The following MSI2 variants were observed in gnomAD, a reference collection of about 807,000 sequenced individuals.
MSI2 encodes musashi RNA binding protein 2.
A neutral mutation model predicts 45.6 loss-of-function variants in MSI2; 17 were observed. That is an observed-to-expected ratio of 0.37 (90% confidence interval 0.26 to 0.56). The LOEUF (loss-of-function observed/expected upper bound fraction) is 0.56, where lower values mean the gene tolerates loss of function less well. Ranked by LOEUF, MSI2 falls within the 20% of genes least tolerant of loss-of-function variation. MSI2 has a pLI of 0.77. For synonymous variants in MSI2, 156 were observed against 158.2 expected (o/e 0.99, Z 0.11); for missense variants, 293 against 444.2 (o/e 0.66, Z 3.06).
intron 11 of MSI2, among the ~76,000 whole-genome samples, chr17:57,655,309 C>T (rs971213694): frequency 6.6e-6 from 1 of 152,178 alleles, no homozygotes; most frequent in Admixed American, 6.5e-5. Flanking sequence ...TTATTTTGAT[C>T]GTATTCATTC....
In MSI2 at chr17:57,358,893, GA is replaced by G. The variant is rs574053761; in HGVS notation, c.313-42485del. Among the ~76,000 whole-genome samples the G allele has an allele frequency of 7.0e-3, 1,066 of 152,232 alleles. 8 individuals are homozygous for G. Among genetic ancestry groups the G allele is most frequent in the Non-Finnish European group, 8.6e-3 (584 of 67,990 alleles). On this transcript the variant is annotated intron_variant, in intron 5 of 13. Coordinates refer to ENST00000284073, the MANE Select transcript of MSI2 (RefSeq NM_138962.4). Reference sequence around the variant, plus strand: ...CCCTAGCAACGTATCATCTTTTGAGGAGTGTTCCTCATACTTTGAGATTGGT... The same window carrying G: ...CCCTAGCAACGTATCATCTTTTGAGGGTGTTCCTCATACTTTGAGATTGGT...
chr17:57,477,766 C>CT (rs1043835615), intron 6 of MSI2, among the ~76,000 whole-genome samples: 1 of 152,164 alleles, frequency 6.6e-6, no homozygotes, highest in African/African-American at 2.4e-5. Flanking sequence ...TTTGAGGGCT[C>CT]TGAGAGAAAG....
chr17:57,496,750 C>A (rs1023223891), intron 6 of MSI2, among the ~76,000 whole-genome samples: 1 of 152,240 alleles, frequency 6.6e-6, no homozygotes, highest in African/African-American at 2.4e-5. Flanking sequence ...CAAGACAGTT[C>A]AGCACCTGAA....
chr17:57,425,955 T>C (rs1199186441), intron 6 of MSI2, among the ~76,000 whole-genome samples: 2 of 152,238 alleles, frequency 1.3e-5, no homozygotes, highest in Non-Finnish European at 2.9e-5. Context: ...CTCTGAAATT[T>C]GTCATATGGA....
At chr17:57,266,285 A>G (rs938547750) in intron 5 of MSI2, 8 of 152,200 alleles carry the variant, frequency 5.3e-5, no homozygotes, top group Non-Finnish European at 1.5e-5. Flanking sequence ...GATAAATGCA[A>G]AATTCTTCAC....
intron 7 of MSI2, among the ~76,000 whole-genome samples, chr17:57,533,282 T>C (rs1369124823): frequency 6.6e-6 from 1 of 152,162 alleles, no homozygotes; most frequent in Non-Finnish European, 1.5e-5. Flanking sequence ...CCTCCCGCAA[T>C]GTATGTCTTC....
intron 5 of MSI2, among the ~76,000 whole-genome samples, chr17:57,348,712 C>G (rs1915799656): frequency 6.6e-6 from 1 of 152,192 alleles, no homozygotes; most frequent in Admixed American, 6.5e-5. Context: ...GAACCGCGAG[C>G]CAAAAAACTT....
In MSI2 at chr17:57,257,141, AAGGGAGGG is replaced by A; in HGVS notation, c.103+8_103+15del. 4 of 632,196 alleles carry A rather than the reference AAGGGAGGG, an allele frequency of 6.3e-6. No individual in the cohort carries two copies. The highest frequency in any genetic ancestry group is 8.3e-6 in the Non-Finnish European group (3 of 360,646). The allele number at this position is 632,196 out of a possible 1,614,324, so 39.2% of individuals were successfully genotyped here. On this transcript the variant is annotated splice_donor_5th_base_variant and intron_variant, in intron 2 of 13. Transcript: ENST00000284073. Reference sequence around the variant, plus strand: ...ACTGAGCTGGCAGACCTCACCAGGTAAGGGAGGGAGGGGGGGACGCCTGGGTCCCCCCC... The same window carrying A: ...ACTGAGCTGGCAGACCTCACCAGGTAAGGGGGGGACGCCTGGGTCCCCCCC...
chr17:57,678,133 G>A (rs755793762), intron 13 of MSI2, among the ~76,000 whole-genome samples: 19 of 152,188 alleles, frequency 1.2e-4, no homozygotes, highest in Admixed American at 4.6e-4. Context: ...TGCCTCTCTC[G>A]TAGAGAGGGA....
At chr17:57,692,844 T>G in the MSI2 span, among the ~76,000 whole-genome samples, 1 of 151,924 alleles carries the variant, frequency 6.6e-6, no homozygotes, top group African/African-American at 2.4e-5. Flanking sequence ...TCTCTCTTTA[T>G]CCTATCTTTG....
At position 57,683,266 on chromosome 17, in the gene MSI2, A is replaced by G. The variant is rs1913724730; in HGVS notation, c.*3749A>G. ...CATTGGGTAATTGTTGGTTCTAATG[A>G]CCTGAAAGGTGTTCAGTTTTTGTTC... On this transcript the variant is annotated 3_prime_UTR_variant, in exon 14 of 14. Transcript: ENST00000284073. The surrounding 1 kb of genome is among the most constrained non-coding windows in gnomAD (Gnocchi z 5.2). 1 of 230,410 alleles carries G rather than the reference A, an allele frequency of 4.3e-6. No homozygotes were observed. Among genetic ancestry groups the G allele is most frequent in the African/African-American group, 2.2e-5 (1 of 45,050 alleles). The allele number at this position is 230,410 out of a possible 1,614,324, so 14.3% of individuals were successfully genotyped here.
At chr17:57,264,296 C>T (rs1000837758) in intron 5 of MSI2, 3 of 151,436 alleles carry the variant, frequency 2.0e-5, no homozygotes, top group Non-Finnish European at 2.9e-5. Context: ...CTGCAGATTA[C>T]GTAAATTAAT....
intron 6 of MSI2, among the ~76,000 whole-genome samples, chr17:57,440,413 C>CATGTGTGT (rs1491418144): frequency 2.7e-4 from 28 of 104,530 alleles, no homozygotes; most frequent in Admixed American, 5.6e-4. Context: ...GTTTGTTATC[C>CATGTGTGT]GTGTGTGTGT....
intron 5 of MSI2, among the ~76,000 whole-genome samples, chr17:57,346,084 T>C (rs189576352): frequency 1.3e-5 from 2 of 152,338 alleles, no homozygotes; most frequent in African/African-American, 4.8e-5. Context: ...ATTTATCACT[T>C]CTGTGATTTT....
At chr17:57,339,188 A>G (rs1914920034) in intron 5 of MSI2, among the ~76,000 whole-genome samples, 1 of 152,208 alleles carries the variant, frequency 6.6e-6, no homozygotes, top group Non-Finnish European at 1.5e-5. Flanking sequence ...GGGAAAGGCA[A>G]GCAGCCCGCG....
chr17:57,392,372 C>T (rs2083810594), intron 5 of MSI2, among the ~76,000 whole-genome samples: 1 of 152,182 alleles, frequency 6.6e-6, no homozygotes, highest in Non-Finnish European at 1.5e-5. Flanking sequence ...CTTCAGCTCC[C>T]AGCCGAAGCA....
chr17:57,494,722 T>A (rs1442708411), intron 6 of MSI2, among the ~76,000 whole-genome samples: 1 of 152,082 alleles, frequency 6.6e-6, no homozygotes, highest in Non-Finnish European at 1.5e-5. Context: ...TGAGGCTCAG[T>A]GAGTTGAAGA....
intron 7 of MSI2, among the ~76,000 whole-genome samples, chr17:57,543,488 C>A (rs2087098212): frequency 6.6e-6 from 1 of 152,216 alleles, no homozygotes; most frequent in African/African-American, 2.4e-5. Context: ...TGCATTTCTA[C>A]CCCAGAGGCC....
chr17:57,554,521 A>G (rs1246858183), intron 7 of MSI2, among the ~76,000 whole-genome samples: 1 of 152,084 alleles, frequency 6.6e-6, no homozygotes, highest in Non-Finnish European at 1.5e-5. Flanking sequence ...AAAAAGCTCT[A>G]TTTCCTGCCT....
Sources: allele counts gnomAD v4.1 joint callset (sites outside exome capture counted in the v4.1 genomes callset), GRCh38; gene constraint gnomAD v4.1.1; non-coding constraint Gnocchi (gnomAD v3.1); transcripts MANE v1.5; gene names NCBI Gene and HGNC (gene_info 2026-07-23, HGNC 2026-07-21).